PLOD2: variants seen among roughly 807,000 people sequenced by gnomAD.
PLOD2 encodes the protein procollagen-lysine,2-oxoglutarate 5-dioxygenase 2.
PLOD2 carries 65 observed loss-of-function variants against 101.0 expected under a neutral mutation model. The ratio of observed to expected loss-of-function variants is 0.64; its 90% CI spans 0.53 to 0.79. The LOEUF is 0.79. Among genes scored for constraint, PLOD2 ranks in the 30% least tolerant of loss-of-function variants. The probability of loss-of-function intolerance (pLI) is 0.00; values close to 1 mark genes in which losing one functional copy is unlikely to be tolerated. For synonymous variants in PLOD2, 314 were observed against 302.9 expected (o/e 1.04, Z -0.38); for missense variants, 909 against 914.6 (o/e 0.99, Z 0.08).
intron 8 of PLOD2, among the ~76,000 whole-genome samples, chr3:146,089,055 A>G (rs545823341): frequency 9.0e-4 from 136 of 151,746 alleles, no homozygotes; most frequent in African/African-American, 3.1e-3. Flanking sequence ...TCTGAAAGCT[A>G]TTTTGAAAGT....
intron 1 of PLOD2, among the ~76,000 whole-genome samples, chr3:146,128,366 T>G (rs2030706362): frequency 6.6e-6 from 1 of 152,134 alleles, no homozygotes; most frequent in Non-Finnish European, 1.5e-5. Flanking sequence ...TAGCCAAATG[T>G]AACCTCTATT....
intron 17 of PLOD2, 51 bp from the exon 18 acceptor site, chr3:146,071,474 A>C (rs1362225696): frequency 6.5e-7 from 1 of 1,533,618 alleles, no homozygotes; most frequent in Non-Finnish European, 9.0e-7. Context: ...TGCAATTCCC[A>C]TTTATATTAT....
chr3:146,087,277 A>T (rs1045077185), intron 9 of PLOD2, among the ~76,000 whole-genome samples: 3 of 151,952 alleles, frequency 2.0e-5, no homozygotes, highest in African/African-American at 7.2e-5. Context: ...GTAGCCTAGA[A>T]ATCTTAGATA....
rs753738496 is a variant in PLOD2 at position 146,079,197 on chromosome 3, T to C, written c.1419A>G (p.Arg473=). The stretch of plus-strand genomic sequence containing the variant: ...AATAGTTCCTTTCATTCATCTCTGA[T>C]CGGAGTGTCTTTCCTTTAATTAAGT... ...NVYLIKGKTL[R]SEMNERNYFV... Residue 473 remains arginine (R), a synonymous_variant, in exon 13 of 20, where the codon CGA becomes CGG. Coordinates refer to ENST00000282903, the MANE Select transcript of PLOD2 (RefSeq NM_182943.3). The C allele has an allele frequency of 1.2e-6, 2 of 1,611,050 alleles. No homozygotes were observed. The highest frequency in any genetic ancestry group is 1.7e-6 in the Non-Finnish European group (2 of 1,177,336).
chr3:146,083,582 T>C (rs145498003), intron 11 of PLOD2, among the ~76,000 whole-genome samples: 5 of 98,550 alleles, frequency 5.1e-5, no homozygotes, highest in Non-Finnish European at 7.2e-5. Context: ...TTTTTCTTTT[T>C]TTTTTTTTTT....
chr3:146,070,827 G>C lies in PLOD2; in HGVS notation c.2167C>G (p.Pro723Ala). 1 of 1,610,570 alleles carries C rather than the reference G, an allele frequency of 6.2e-7. No homozygotes were observed. The highest frequency in any genetic ancestry group is 8.5e-7 in the Non-Finnish European group (1 of 1,177,688). Residue 723 changes from proline (P) to alanine (A), a missense_variant, in exon 20 of 20, where the codon CCA (proline) becomes GCA (alanine). Coordinates refer to ENST00000282903, the MANE Select transcript of PLOD2 (RefSeq NM_182943.3). Reference protein sequence around the residue: ...FLRYNCSIESPRKGWSFMHPG... With the variant: ...FLRYNCSIESARKGWSFMHPG... ...TGCATGAAGCTCCAGCCTTTTCGTG[G>C]TGACTCAATAGAGCAATTGTACCTT... is the stretch of plus-strand genomic sequence containing the variant.
At chr3:146,151,454 G>C (rs372446473) in intron 1 of PLOD2, among the ~76,000 whole-genome samples, 124 of 151,854 alleles carry the variant, frequency 8.2e-4, no homozygotes, top group African/African-American at 2.9e-3. Flanking sequence ...CCAAGATCGC[G>C]CCATTGCACT....
intron 1 of PLOD2, among the ~76,000 whole-genome samples, chr3:146,126,326 T>C (rs1172600561): frequency 6.8e-6 from 1 of 147,660 alleles, no homozygotes; most frequent in Non-Finnish European, 1.5e-5. Context: ...GTATCATGAC[T>C]ATGATAAGAA....
At chr3:146,082,326 A>G (rs1425197676) in intron 11 of PLOD2, among the ~76,000 whole-genome samples, 1 of 152,198 alleles carries the variant, frequency 6.6e-6, no homozygotes, top group African/African-American at 2.4e-5. Flanking sequence ...TAAAAAATGA[A>G]TGAAGATGAA....
intron 7 of PLOD2, among the ~76,000 whole-genome samples, chr3:146,100,897 T>C (rs1937364897): frequency 6.8e-6 from 1 of 146,586 alleles, no homozygotes; most frequent in Admixed American, 6.7e-5. Context: ...CAGAATACTC[T>C]AGTTCCAGGC....
chr3:146,099,320 T>C (rs1352979813), intron 7 of PLOD2, among the ~76,000 whole-genome samples: 1 of 152,222 alleles, frequency 6.6e-6, no homozygotes, highest in Non-Finnish European at 1.5e-5. Context: ...TTGGAAGGAA[T>C]TGGTGATCAC....
intron 2 of PLOD2, among the ~76,000 whole-genome samples, chr3:146,123,067 G>C (rs1278497188): frequency 6.6e-6 from 1 of 151,606 alleles, no homozygotes; most frequent in Non-Finnish European, 1.5e-5. Flanking sequence ...CTCTTTTTCA[G>C]CAAAGTTTAG....
At position 146,106,641 on chromosome 3, in the gene PLOD2, A is replaced by T; in HGVS notation, c.506T>A (p.Phe169Tyr). ...IGKRYLNSGG[F>Y]IGYAPYVNRI... ...GTTGACATATGGAGCATAGCCAATA[A>T]ATCCTGCAACACAGCAGAGAGAAAG... is the stretch of plus-strand genomic sequence containing the variant. Residue 169 changes from phenylalanine to tyrosine, a missense_variant, in exon 5 of 20, where the codon TTT (phenylalanine) becomes TAT (tyrosine). Phe to Tyr is a conservative substitution (Grantham distance 22). Transcript: ENST00000282903. 6.8e-7 allele frequency: 1 copy of T among 1,462,546 alleles called. No individual in the cohort carries two copies. The highest frequency in any genetic ancestry group is 9.6e-7 in the Non-Finnish European group (1 of 1,042,200). The allele number at this position is 1,462,546 out of a possible 1,614,324, so 90.6% of individuals were successfully genotyped here. A position where few individuals can be genotyped will look rare whatever the true frequency, so the allele number is the denominator to read the frequency against.
Position 146,110,522 on chromosome 3 carries a change from C to G in PLOD2, c.339-74G>C, listed in dbSNP as rs562423240. 1.2e-4 allele frequency: 151 copies of G among 1,229,168 alleles called. 1 individual carries two copies. The African/African-American group carries it at 2.1e-3, about 17-fold the overall frequency. The allele number at this position is 1,229,168 out of a possible 1,614,324, so 76.1% of individuals were successfully genotyped here. On this transcript the variant is annotated intron_variant, in intron 3 of 19. Coordinates refer to ENST00000282903, the MANE Select transcript of PLOD2 (RefSeq NM_182943.3). ...AGGCACATAAACCATGAAAAGTTCT[C>G]TAACAAAAGTCAGAATCAAGAATAC...
chr3:146,115,123 T>C (rs1468888924), intron 3 of PLOD2, among the ~76,000 whole-genome samples: 2 of 152,214 alleles, frequency 1.3e-5, no homozygotes, highest in Non-Finnish European at 2.9e-5. Flanking sequence ...TCTTTTGTAC[T>C]CTTTCCCTTT....
At chr3:146,123,330 T>TAA in intron 2 of PLOD2, 3 of 1,093,038 alleles carry the variant, frequency 2.7e-6, no homozygotes, top group Non-Finnish European at 3.5e-6. Flanking sequence ...TTCTTTCTAT[T>TAA]AAAAAAAACA....
At chr3:146,091,208 G>C (rs1183788633) in intron 8 of PLOD2, among the ~76,000 whole-genome samples, 1 of 151,780 alleles carries the variant, frequency 6.6e-6, no homozygotes, top group Non-Finnish European at 1.5e-5. Context: ...ACATACAGTA[G>C]TCTGGAGCCA....
chr3:146,147,180 G>A (rs917081599), intron 1 of PLOD2, among the ~76,000 whole-genome samples: 5 of 152,128 alleles, frequency 3.3e-5, no homozygotes, highest in Admixed American at 3.3e-4. Flanking sequence ...TACTGTAGGA[G>A]TTCAACATTG....
Position 146,088,640 on chromosome 3 carries a change from T to G in PLOD2, c.951A>C (p.Ile317=). 6.2e-7 allele frequency: 1 copy of G among 1,600,450 alleles called. No individual in the cohort carries two copies. Among genetic ancestry groups the G allele is most frequent in the Non-Finnish European group, 8.6e-7 (1 of 1,168,122 alleles). ...PTPFLPRFLD[I]LLTLDYPKEA... is the part of the protein sequence containing the mutation. ...CTTTTGGGTAATCCAGTGTCAACAA[T>G]ATGTCCAGAAACCGAGGTAGAAAAG... Residue 317 remains isoleucine, a synonymous_variant, in exon 9 of 20, where the codon ATA becomes ATC. Coordinates refer to ENST00000282903, the MANE Select transcript of PLOD2 (RefSeq NM_182943.3).
Sources: allele counts gnomAD v4.1 joint callset (sites outside exome capture counted in the v4.1 genomes callset), GRCh38; gene constraint gnomAD v4.1.1; transcripts MANE v1.5; gene names NCBI Gene and HGNC (gene_info 2026-07-23, HGNC 2026-07-21).